The following TBX10 variants were observed in gnomAD, a reference collection of about 807,000 sequenced individuals.
TBX10 encodes the protein T-box transcription factor TBX10.
Under a neutral mutation model 32.4 loss-of-function variants are expected in TBX10, and 26 were observed. The ratio of observed to expected loss-of-function variants is 0.80; its 90% CI spans 0.59 to 1.11. The LOEUF (loss-of-function observed/expected upper bound fraction) is 1.11, where lower values mean the gene tolerates loss of function less well. Ranked by LOEUF, TBX10 falls within the 50% of genes most tolerant of loss-of-function variation. TBX10 has a pLI of 0.00. For synonymous variants in TBX10, 195 were observed against 203.1 expected, an observed-to-expected ratio of 0.96 and a Z score of 0.34; for missense variants, 490 against 494.5, an observed-to-expected ratio of 0.99 and a Z score of 0.09.
chr11:67,631,724 G>C lies in TBX10; in HGVS notation c.1039C>G (p.Pro347Ala). The C allele has an allele frequency of 1.9e-6, 3 of 1,610,220 alleles. No homozygotes were observed. Among genetic ancestry groups the C allele is most frequent in the Non-Finnish European group, 2.5e-6 (3 of 1,178,742 alleles). Residue 347 changes from proline to alanine, a missense_variant, in exon 8 of 8, where the codon CCA becomes GCA. Coordinates refer to ENST00000335385, the MANE Select transcript of TBX10 (RefSeq NM_005995.5). The stretch of plus-strand genomic sequence containing the variant: ...GCCCGGATGTTGGGGAGGGGGTATG[G>C]TGCTGGTCGGGTCCTTGGGATCCCT... ...HLGIPRTRPA[P>A]YPLPNIRADR...
rs772336874 is a variant in TBX10 at position 67,631,667 on chromosome 11, C to A, written c.1096G>T (p.Ala366Ser). The A allele has an allele frequency of 6.2e-7, 1 of 1,607,500 alleles. No homozygotes were observed. The highest frequency in any genetic ancestry group is 1.1e-5 in the South Asian group (1 of 89,790). Residue 366 changes from alanine (A) to serine (S), a missense_variant, in exon 8 of 8, where the codon GCT becomes TCT. Physicochemically the swap from Ala to Ser is moderately conservative, Grantham distance 99. Coordinates refer to ENST00000335385, the MANE Select transcript of TBX10 (RefSeq NM_005995.5). Reference protein sequence around the residue: ...DRDQGGLPLPAGLGLLSPTVV... With the variant: ...DRDQGGLPLPSGLGLLSPTVV... The stretch of plus-strand genomic sequence containing the variant: ...GTGGGGGACAGGAGCCCCAGCCCAG[C>A]TGGGAGAGGCAGGCCTCCTTGATCC...
intron 1 of TBX10, among the ~76,000 whole-genome samples, chr11:67,635,675 A>G (rs1855318027): frequency 7.9e-6 from 1 of 125,982 alleles, no homozygotes; most frequent in African/African-American, 3.0e-5. Context: ...CCTGTTCTAG[A>G]TGATATGTGT....
intron 1 of TBX10, among the ~76,000 whole-genome samples, chr11:67,638,325 A>T (rs1029424981): frequency 6.6e-5 from 10 of 152,204 alleles, no homozygotes; most frequent in Admixed American, 6.5e-4. Context: ...ATCCTGAGAA[A>T]CAGAACTATT....
At position 67,631,599 on chromosome 11, in the gene TBX10, C is replaced by T. The variant is rs1591122283; in HGVS notation, c.*6G>A. 1.9e-6 allele frequency: 3 copies of T among 1,590,938 alleles called. No individual in the cohort carries two copies. In the East Asian group the frequency reaches 6.7e-5, roughly 36 times the overall value. On this transcript the variant is annotated 3_prime_UTR_variant, in exon 8 of 8. Coordinates refer to ENST00000335385, the MANE Select transcript of TBX10 (RefSeq NM_005995.5). ...GTAGCAGGGCTTCCCCCCAGGGCTT[C>T]TGGCATCACTGGGAGTCCTGGCCAG... is the stretch of plus-strand genomic sequence containing the variant.
intron 1 of TBX10, among the ~76,000 whole-genome samples, chr11:67,637,084 A>C (rs541930331): frequency 1.3e-5 from 2 of 152,358 alleles, no homozygotes; most frequent in South Asian, 4.1e-4. Flanking sequence ...GCCAGACACC[A>C]AAGGACAAAT....
At chr11:67,640,132 G>T (rs1170776341), upstream of TBX10, among the ~76,000 whole-genome samples, 1 of 151,986 alleles carries the variant, frequency 6.6e-6, no homozygotes, top group African/African-American at 2.4e-5. Context: ...GTCAGGAGCA[G>T]TGTGAGCAGG....
upstream of TBX10, among the ~76,000 whole-genome samples, chr11:67,641,177 C>T (rs1365168914): frequency 6.6e-6 from 1 of 151,290 alleles, no homozygotes; most frequent in Non-Finnish European, 1.5e-5. Flanking sequence ...CTGGTGGCTC[C>T]CCTTCACCGA....
intron 1 of TBX10, among the ~76,000 whole-genome samples, chr11:67,636,400 T>G (rs1318629714): frequency 6.6e-6 from 1 of 151,702 alleles, no homozygotes; most frequent in African/African-American, 2.4e-5. Context: ...ATTGGAACTC[T>G]TGTGCACTGC....
At chr11:67,634,581 A>G (rs768830084) in intron 3 of TBX10, among the ~76,000 whole-genome samples, 13 of 152,182 alleles carry the variant, frequency 8.5e-5, no homozygotes, top group Admixed American at 2.0e-4. Flanking sequence ...GCCCTGGGCT[A>G]GACCTCTCTG....
At chr11:67,636,875 A>G (rs1855339872) in intron 1 of TBX10, among the ~76,000 whole-genome samples, 1 of 152,216 alleles carries the variant, frequency 6.6e-6, no homozygotes, top group Non-Finnish European at 1.5e-5. Flanking sequence ...TCAAACAGAT[A>G]TTTGCACACC....
chr11:67,636,073 CTTTTT>C (rs60139069), intron 1 of TBX10, among the ~76,000 whole-genome samples: 5 of 98,016 alleles, frequency 5.1e-5, no homozygotes, highest in African/African-American at 1.8e-4. Context: ...ATTAGAACTC[CTTTTT>C]TTTTTTTTTT....
At chr11:67,640,862 C>A (rs1164919888), upstream of TBX10, among the ~76,000 whole-genome samples, 1 of 152,162 alleles carries the variant, frequency 6.6e-6, no homozygotes, top group African/African-American at 2.4e-5. Flanking sequence ...GTGGCTCAAT[C>A]CCTTGTGTCT....
At chr11:67,636,782 G>A (rs540517684) in intron 1 of TBX10, among the ~76,000 whole-genome samples, 15 of 152,162 alleles carry the variant, frequency 9.9e-5, no homozygotes, top group Non-Finnish European at 2.1e-4. Flanking sequence ...ACAGGCGTGA[G>A]CCATCATGCC....
At position 67,631,350 on chromosome 11, in the gene TBX10, G is replaced by A. The variant is rs1014237473; in HGVS notation, c.*255C>T. The A allele has an allele frequency of 1.2e-5, 7 of 562,378 alleles. No individual in the cohort carries two copies. Among genetic ancestry groups the A allele is most frequent in the African/African-American group, 1.1e-4 (6 of 53,102 alleles). 34.8% of individuals were successfully genotyped at this position (562,378 alleles called of 1,614,324 possible). A position where few individuals can be genotyped will look rare whatever the true frequency, so the allele number is the denominator to read the frequency against. On this transcript the variant is annotated 3_prime_UTR_variant, in exon 8 of 8. Coordinates refer to ENST00000335385, the MANE Select transcript of TBX10 (RefSeq NM_005995.5). Reference sequence around the variant, plus strand: ...AGGGGGAAGGGAGAGGTAAGGCAGGGTTTTCGGGAGTTACCCCCAAAGCAA... The same window carrying A: ...AGGGGGAAGGGAGAGGTAAGGCAGGATTTTCGGGAGTTACCCCCAAAGCAA...
Position 67,639,539 on chromosome 11 carries a change from G to A in TBX10, c.-67C>T. ...GGCTGGGGCTGGGAACCTGCCTGCT[G>A]GAAGGGGTGGTCACCACTCGTCCAC... is the stretch of plus-strand genomic sequence containing the variant. On this transcript the variant is annotated 5_prime_UTR_variant, in exon 1 of 8. Coordinates refer to ENST00000335385, the MANE Select transcript of TBX10 (RefSeq NM_005995.5). The A allele has an allele frequency of 6.2e-7, 1 of 1,607,328 alleles. No individual in the cohort carries two copies. Among genetic ancestry groups the A allele is most frequent in the Non-Finnish European group, 8.5e-7 (1 of 1,176,252 alleles).
intron 1 of TBX10, among the ~76,000 whole-genome samples, chr11:67,637,367 C>G (rs912007042): frequency 1.2e-4 from 18 of 151,566 alleles, no homozygotes; most frequent in African/African-American, 4.4e-4. Flanking sequence ...TTTTTTTTTA[C>G]TTTTTGCAGA....
At chr11:67,638,761 A>C (rs1221140262) in intron 1 of TBX10, among the ~76,000 whole-genome samples, 1 of 152,172 alleles carries the variant, frequency 6.6e-6, no homozygotes, top group Non-Finnish European at 1.5e-5. Context: ...ATCAGGTTTG[A>C]GGACCCTGGG....
At chr11:67,640,376 C>G (rs569148683), upstream of TBX10, among the ~76,000 whole-genome samples, 1 of 152,148 alleles carries the variant, frequency 6.6e-6, no homozygotes, top group Non-Finnish European at 1.5e-5. Context: ...AGCGGTAAGC[C>G]CATCCCGCCT....
chr11:67,635,349 C>T (rs1417002658), intron 1 of TBX10, 86 bp from the exon 2 acceptor site: 39 of 1,576,456 alleles, frequency 2.5e-5, no homozygotes, highest in East Asian at 2.0e-4. Flanking sequence ...CCTCTTCCTC[C>T]AGGAAGCCCT....
Sources: allele counts gnomAD v4.1 joint callset (sites outside exome capture counted in the v4.1 genomes callset), GRCh38; gene constraint gnomAD v4.1.1; transcripts MANE v1.5; gene names NCBI Gene and HGNC (gene_info 2026-07-23, HGNC 2026-07-21).